Variants in SHANK2 observed in about 807,000 individuals in gnomAD.
SHANK2 encodes the protein SH3 and multiple ankyrin repeat domains protein 2.
In SHANK2, 43 loss-of-function variants were observed where a neutral mutation model predicts 133.7. That is an observed-to-expected ratio of 0.32 (90% CI 0.25 to 0.41). The LOEUF is 0.41. Among genes scored for constraint, SHANK2 ranks in the 10% least tolerant of loss-of-function variants. SHANK2 has a pLI of 1.00. For missense variants in SHANK2, 1,994 were observed against 2,235.8 expected (o/e 0.89, Z 2.18); for synonymous variants, 1,017 against 952.8 (o/e 1.07, Z -1.24).
intron 14 of SHANK2, among the ~76,000 whole-genome samples, chr11:70,757,427 T>TC (rs1160289898): frequency 2.0e-5 from 3 of 152,188 alleles, no homozygotes; most frequent in African/African-American, 7.2e-5. Context: ...AGCTGAAATG[T>TC]CCCCTACATG....
intron 11 of SHANK2, among the ~76,000 whole-genome samples, chr11:70,843,625 A>T (rs1408216563): frequency 6.6e-6 from 1 of 151,862 alleles, no homozygotes; most frequent in Non-Finnish European, 1.5e-5. Context: ...CGGCACCTAC[A>T]AGCCGCAGAG....
rs1284379822 is a variant in SHANK2, at chr11:71,144,240, A to G, written c.207+2880T>C. Among the ~76,000 whole-genome samples the G allele has an allele frequency of 2.6e-5, 4 of 152,310 alleles. No individual in the cohort carries two copies. In the East Asian group the frequency reaches 7.7e-4, roughly 29 times the overall value. The stretch of plus-strand genomic sequence containing the variant: ...TGCGCATGCGTGCACCCATGCACAC[A>G]TAACTAGCTACTCATTCACCAAACT... On this transcript the variant is annotated intron_variant, in intron 3 of 25. Coordinates refer to ENST00000601538, the MANE Select transcript of SHANK2 (RefSeq NM_012309.5).
chr11:70,902,554 G>A (rs76065112), intron 10 of SHANK2, among the ~76,000 whole-genome samples: 156 of 152,328 alleles, frequency 1.0e-3, no homozygotes, highest in African/African-American at 2.5e-3. Context: ...TCACTTTCTG[G>A]AGCCTTTGCT....
At chr11:70,663,325 G>T (rs1279584228) in intron 15 of SHANK2, among the ~76,000 whole-genome samples, 2 of 152,154 alleles carry the variant, frequency 1.3e-5, no homozygotes, top group Non-Finnish European at 2.9e-5. Context: ...CCCCGGATTG[G>T]GGGGCCCTGG....
At chr11:70,534,836 A>G (rs1229627267) in intron 17 of SHANK2, among the ~76,000 whole-genome samples, 1 of 152,330 alleles carries the variant, frequency 6.6e-6, no homozygotes, top group East Asian at 1.9e-4. Flanking sequence ...CACGATCTGC[A>G]TGACGGTCTT....
At chr11:70,927,404 G>A (rs148028544) in intron 10 of SHANK2, among the ~76,000 whole-genome samples, 29 of 152,168 alleles carry the variant, frequency 1.9e-4, no homozygotes, top group African/African-American at 6.5e-4. Context: ...CTTGAGAGCC[G>A]TTGGAAGCAC....
intron 2 of SHANK2, among the ~76,000 whole-genome samples, chr11:71,210,246 A>T (rs868950605): frequency 3.4e-4 from 35 of 104,432 alleles, no homozygotes; most frequent in African/African-American, 1.6e-3. Context: ...ATATATATAT[A>T]TATATATTTA....
chr11:71,235,306 T>TG (rs569334089), intron 1 of SHANK2, among the ~76,000 whole-genome samples: 100 of 152,200 alleles, frequency 6.6e-4, no homozygotes, highest in African/African-American at 2.3e-3. Flanking sequence ...TAAAAACTCT[T>TG]GCACAGGACG....
chr11:70,852,222 A>T (rs1565361417), intron 11 of SHANK2, among the ~76,000 whole-genome samples: 1 of 152,250 alleles, frequency 6.6e-6, no homozygotes, highest in Non-Finnish European at 1.5e-5. Flanking sequence ...AAGCATTTGC[A>T]CAGTGCCAGA....
intron 10 of SHANK2, chr11:70,907,628 G>T (rs782502723): frequency 4.8e-6 from 1 of 206,732 alleles, no homozygotes; most frequent in African/African-American, 2.3e-5. Flanking sequence ...ATATTAAGGA[G>T]ATGATATCAT....
chr11:70,826,140 A>G (rs1948635305), intron 11 of SHANK2, among the ~76,000 whole-genome samples: 1 of 152,238 alleles, frequency 6.6e-6, no homozygotes, highest in Non-Finnish European at 1.5e-5. Flanking sequence ...TGAGGACTAT[A>G]GTCAAAACTT....
intron 2 of SHANK2, among the ~76,000 whole-genome samples, chr11:71,221,928 G>T (rs1249548775): frequency 6.6e-6 from 1 of 152,150 alleles, no homozygotes; most frequent in African/African-American, 2.4e-5. Flanking sequence ...CATTGGGAGA[G>T]CCACTGAGGA....
chr11:71,092,298 C>A (rs1951531330), intron 8 of SHANK2, 124 bp downstream of exon 8: 5 of 972,378 alleles, frequency 5.1e-6, no homozygotes, highest in Middle Eastern at 2.9e-4. Flanking sequence ...GAACTCTGGG[C>A]AGGCCAAACA....
rs1555153234 is a variant in SHANK2 at position 70,486,057 on chromosome 11, A to C, written c.4236T>G (p.Pro1412=). The change falls in exon 25 of 26, where the codon CCT becomes CCG. Residue 1412 remains proline (P), a synonymous_variant. Coordinates refer to ENST00000601538, the MANE Select transcript of SHANK2 (RefSeq NM_012309.5). The surrounding 1 kb of genome is among the most constrained non-coding windows in gnomAD (Gnocchi z 8.0). ...AACTATTTGCAAATTCCAGGGGAGG[A>C]GGCAATGGCTCTGTAAAAATAAAAT... ...DEDFIFTEPL[P]PPLEFANSFD... is the part of the protein sequence containing the mutation. The C allele has an allele frequency of 6.2e-7, 1 of 1,613,910 alleles. No homozygotes were observed. The highest frequency in any genetic ancestry group is 8.5e-7 in the Non-Finnish European group (1 of 1,179,990).
intron 11 of SHANK2, among the ~76,000 whole-genome samples, chr11:70,856,570 G>T (rs1175307840): frequency 6.6e-6 from 1 of 152,088 alleles, no homozygotes; most frequent in Non-Finnish European, 1.5e-5. Flanking sequence ...ATGAATGAAT[G>T]GGAGGGTAGA....
chr11:70,796,816 A>T (rs1947924593), intron 14 of SHANK2, among the ~76,000 whole-genome samples: 1 of 152,222 alleles, frequency 6.6e-6, no homozygotes, highest in Non-Finnish European at 1.5e-5. Context: ...GACTAGTGGG[A>T]TCCAAGATGG....
rs141483649 is a variant in SHANK2, at chr11:71,233,855, C to T, written c.-112-9059G>A. ...TTGAGGTCAGCAGTTAGAGACCAGC[C>T]TGACCAACATGCAAAACACCATCTC... On this transcript the variant is annotated intron_variant, in intron 1 of 25. Transcript: ENST00000601538. Among the ~76,000 whole-genome samples the T allele has an allele frequency of 2.7e-4, 41 of 151,936 alleles. 2 individuals are homozygous for T. The East Asian group carries it at 7.4e-3, about 27-fold the overall frequency.
chr11:70,626,017 G>A (rs748452857), intron 17 of SHANK2, among the ~76,000 whole-genome samples: 3 of 151,928 alleles, frequency 2.0e-5, no homozygotes, highest in Non-Finnish European at 2.9e-5. Context: ...GGGCCTCCCC[G>A]CCTCCAGTTC....
intron 14 of SHANK2, among the ~76,000 whole-genome samples, chr11:70,706,789 C>T (rs1945671566): frequency 6.6e-6 from 1 of 150,770 alleles, no homozygotes; most frequent in African/African-American, 2.4e-5. Flanking sequence ...ACTTAATATA[C>T]CTTTTGGGAC....
Sources: gnomAD v4.1 joint callset for allele counts (sites outside exome capture counted in the v4.1 genomes callset) on GRCh38, gnomAD v4.1.1 for gene constraint, Gnocchi (gnomAD v3.1) non-coding constraint, MANE v1.5 for transcripts, NCBI Gene and HGNC (gene_info 2026-07-23, HGNC 2026-07-21) for gene names.